The following ASIC2 variants were observed in gnomAD, a reference collection of about 807,000 sequenced individuals.
ASIC2 encodes the protein acid-sensing ion channel 2.
ASIC2 carries 25 observed loss-of-function variants against 57.3 expected under a neutral mutation model. That is an observed-to-expected ratio of 0.44 (90% CI 0.32 to 0.61). The LOEUF (loss-of-function observed/expected upper bound fraction) is 0.61, where lower values mean the gene tolerates loss of function less well. Ranked by LOEUF, ASIC2 falls within the 20% of genes least tolerant of loss-of-function variation. The pLI, the probability that ASIC2 is intolerant of heterozygous loss-of-function variation, is 0.06. For missense variants in ASIC2, 641 were observed against 738.1 expected, an observed-to-expected ratio of 0.87 and a Z score of 1.52; for synonymous variants, 319 against 307.5, an observed-to-expected ratio of 1.04 and a Z score of -0.39.
chr17:33,292,911 G>A lies in ASIC2; in HGVS notation c.-796C>T, dbSNP rs1009685610. On this transcript the variant is annotated 5_prime_UTR_variant, in exon 1 of 10. Coordinates refer to ENST00000225823, the MANE Select transcript of ASIC2 (RefSeq NM_183377.2). The stretch of plus-strand genomic sequence containing the variant: ...GAGAGCTTCTCAGGGCGTCCTGCGG[G>A]AGGCTGTTCGCCGCCGGGGTCCTTC... 6 of 985,434 alleles carry A rather than the reference G, an allele frequency of 6.1e-6. No individual in the cohort carries two copies. In the African/African-American group the frequency reaches 8.7e-5, roughly 14 times the overall value. The allele number at this position is 985,434 out of a possible 1,614,324, so 61.0% of individuals were successfully genotyped here. A position where few individuals can be genotyped will look rare whatever the true frequency, so the allele number is the denominator to read the frequency against.
At chr17:33,291,054 G>C in intron 1 of ASIC2, 1 of 264,740 alleles carries the variant, frequency 3.8e-6, no homozygotes, top group Non-Finnish European at 7.0e-6. Flanking sequence ...ACACAGAGCA[G>C]TTTCTTGGAG....
chr17:33,484,343 A>G (rs186052740), intron 1 of ASIC2, among the ~76,000 whole-genome samples: 1 of 152,300 alleles, frequency 6.6e-6, no homozygotes, highest in African/African-American at 2.4e-5. Flanking sequence ...AGATGCCCCC[A>G]TTTAAGACAT....
intron 1 of ASIC2, among the ~76,000 whole-genome samples, chr17:33,729,090 G>T (rs575024817): frequency 2.6e-5 from 4 of 152,142 alleles, no homozygotes; most frequent in Non-Finnish European, 4.4e-5. Flanking sequence ...AATACCTGAG[G>T]TTGGGTAATC....
At chr17:33,752,081 C>CAAGT (rs1910453187) in intron 1 of ASIC2, among the ~76,000 whole-genome samples, 1 of 152,150 alleles carries the variant, frequency 6.6e-6, no homozygotes, top group African/African-American at 2.4e-5. Flanking sequence ...AAGAGCAAGG[C>CAAGT]AAGTCCCTGC....
chr17:33,874,512 G>A (rs964992275), intron 1 of ASIC2, among the ~76,000 whole-genome samples: 5 of 152,152 alleles, frequency 3.3e-5, no homozygotes, highest in African/African-American at 7.2e-5. Context: ...CATTCTTCCT[G>A]CCGTGTCCTC....
At chr17:34,074,675 G>A (rs144408382) in intron 1 of ASIC2, among the ~76,000 whole-genome samples, 1 of 152,040 alleles carries the variant, frequency 6.6e-6, no homozygotes, top group Non-Finnish European at 1.5e-5. Context: ...TAGGAAGGCA[G>A]CATTACGTGT....
Position 33,883,583 on chromosome 17 carries a change from T to C in ASIC2, c.555+272395A>G, listed in dbSNP as rs369938813. Among the ~76,000 whole-genome samples the C allele has an allele frequency of 2.5e-3, 388 of 152,298 alleles. 4 individuals are homozygous for C. Among genetic ancestry groups the C allele is most frequent in the African/African-American group, 8.9e-3 (369 of 41,558 alleles). On this transcript the variant is annotated intron_variant, in intron 1 of 9. Transcript: ENST00000359872. The stretch of plus-strand genomic sequence containing the variant: ...CTCCCACACAGATGAACTCCAAATC[T>C]GTTCTAGCCCCATAACTTCTCTTCT...
intron 1 of ASIC2, chr17:34,039,348 A>G: frequency 6.2e-7 from 1 of 1,613,956 alleles, no homozygotes; most frequent in Non-Finnish European, 8.5e-7. Flanking sequence ...GAGCTGAAAC[A>G]AAAGTGAAGC....
chr17:33,510,275 T>A (rs866666692), intron 1 of ASIC2, among the ~76,000 whole-genome samples: 2 of 152,294 alleles, frequency 1.3e-5, no homozygotes, highest in South Asian at 4.1e-4. Flanking sequence ...TCTTTCTAAT[T>A]ATTACCCATT....
chr17:33,380,303 A>G (rs1425585945), intron 1 of ASIC2, among the ~76,000 whole-genome samples: 1 of 151,740 alleles, frequency 6.6e-6, no homozygotes, highest in Non-Finnish European at 1.5e-5. Flanking sequence ...GAAAAAGAAA[A>G]GAAAAGAAAT....
intron 1 of ASIC2, among the ~76,000 whole-genome samples, chr17:33,786,081 G>A (rs553822211): frequency 6.6e-6 from 1 of 152,270 alleles, no homozygotes; most frequent in East Asian, 1.9e-4. Context: ...AAGAGGCTGG[G>A]GTTTGGACAC....
intron 1 of ASIC2, among the ~76,000 whole-genome samples, chr17:33,754,641 G>A (rs2142107389): frequency 6.6e-6 from 1 of 152,276 alleles, no homozygotes; most frequent in South Asian, 2.1e-4. Context: ...TGTGTTGATG[G>A]GTTTAGTATA....
chr17:33,152,220 A>G (rs897351039), intron 1 of ASIC2, among the ~76,000 whole-genome samples: 7 of 152,172 alleles, frequency 4.6e-5, no homozygotes, highest in African/African-American at 2.4e-5. Flanking sequence ...CCCACTGCCC[A>G]GTGAAGCGCT....
intron 1 of ASIC2, among the ~76,000 whole-genome samples, chr17:33,574,495 T>A (rs1267052650): frequency 6.6e-6 from 1 of 152,172 alleles, no homozygotes; most frequent in Non-Finnish European, 1.5e-5. Context: ...AGGGGTGCTG[T>A]GCTGTGATTG....
At chr17:33,242,704 T>TATATAAAGTGG in intron 1 of ASIC2, among the ~76,000 whole-genome samples, 1 of 152,210 alleles carries the variant, frequency 6.6e-6, no homozygotes, top group Non-Finnish European at 1.5e-5. Flanking sequence ...CTTTAGTGTA[T>TATATAAAGTGG]AATCGCCTCC....
At chr17:33,983,871 C>T (rs1260715955) in intron 1 of ASIC2, among the ~76,000 whole-genome samples, 2 of 152,152 alleles carry the variant, frequency 1.3e-5, no homozygotes, top group Non-Finnish European at 2.9e-5. Flanking sequence ...TTCTACAATG[C>T]ACAGGATACT....
chr17:33,183,965 C>T (rs1906088546), intron 1 of ASIC2, among the ~76,000 whole-genome samples: 2 of 152,134 alleles, frequency 1.3e-5, no homozygotes, highest in Admixed American at 1.3e-4. Flanking sequence ...CCTCTTCAGA[C>T]AAATTAAGAT....
At chr17:33,093,274 G>A (rs1187471483) in intron 2 of ASIC2, among the ~76,000 whole-genome samples, 1 of 152,144 alleles carries the variant, frequency 6.6e-6, no homozygotes, top group African/African-American at 2.4e-5. Context: ...CGCCCTGATA[G>A]TAGCATCTCA....
intron 1 of ASIC2, among the ~76,000 whole-genome samples, chr17:33,812,527 T>A (rs1231066047): frequency 6.6e-6 from 1 of 151,914 alleles, no homozygotes; most frequent in African/African-American, 2.4e-5. Context: ...TACTCAAGAA[T>A]GAGAGTAAGA....
Sources: allele counts gnomAD v4.1 joint callset (sites outside exome capture counted in the v4.1 genomes callset), GRCh38; gene constraint gnomAD v4.1.1; transcripts MANE v1.5; gene names NCBI Gene and HGNC (gene_info 2026-07-23, HGNC 2026-07-21).